Variants in MAP7 observed in about 807,000 individuals in gnomAD.
MAP7 encodes microtubule associated protein 7.
MAP7 carries 52 observed loss-of-function variants against 94.8 expected under a neutral mutation model. That is an observed-to-expected ratio of 0.55 (90% CI 0.44 to 0.69). MAP7 has a LOEUF of 0.69. Ranked by LOEUF, MAP7 falls within the 30% of genes least tolerant of loss-of-function variation. The probability of loss-of-function intolerance (pLI) is 0.00; values close to 1 mark genes in which losing one functional copy is unlikely to be tolerated. For synonymous variants in MAP7, 350 were observed against 357.0 expected, an observed-to-expected ratio of 0.98 and a Z score of 0.22; for missense variants, 940 against 964.6, an observed-to-expected ratio of 0.97 and a Z score of 0.34.
chr6:136,367,422 C>A (rs1354819356), intron 8 of MAP7, among the ~76,000 whole-genome samples: 1 of 152,206 alleles, frequency 6.6e-6, no homozygotes, highest in East Asian at 1.9e-4. Context: ...TGAACTAGTA[C>A]TGTACCTTTT....
At chr6:136,535,362 A>G (rs1439456879) in intron 1 of MAP7, among the ~76,000 whole-genome samples, 1 of 152,176 alleles carries the variant, frequency 6.6e-6, no homozygotes, top group Non-Finnish European at 1.5e-5. Context: ...CCACGCTTGT[A>G]CAGCCTGCAG....
intron 4 of MAP7, 142 bp from the exon 5 acceptor site, chr6:136,388,652 A>T: frequency 3.2e-6 from 2 of 621,456 alleles, no homozygotes; most frequent in Non-Finnish European, 2.8e-6. Context: ...CTATACCATA[A>T]GGTGAGACTA....
At chr6:136,415,636 T>C (rs936188838) in intron 2 of MAP7, among the ~76,000 whole-genome samples, 5 of 152,216 alleles carry the variant, frequency 3.3e-5, no homozygotes, top group South Asian at 2.1e-4. Flanking sequence ...GTTGAAGAAG[T>C]GCTAGTTTTT....
chr6:136,486,311 C>T (rs1350461190), intron 1 of MAP7, among the ~76,000 whole-genome samples: 1 of 152,102 alleles, frequency 6.6e-6, no homozygotes, highest in Non-Finnish European at 1.5e-5. Flanking sequence ...AGGCTCCTTC[C>T]CTGGCAAAAG....
intron 1 of MAP7, among the ~76,000 whole-genome samples, chr6:136,495,167 G>A (rs1817810755): frequency 6.6e-6 from 1 of 152,132 alleles, no homozygotes; most frequent in African/African-American, 2.4e-5. Context: ...GACCCTGAAA[G>A]CTTGAACATG....
intron 1 of MAP7, among the ~76,000 whole-genome samples, chr6:136,488,419 T>C (rs1014313747): frequency 1.3e-5 from 2 of 152,010 alleles, no homozygotes; most frequent in African/African-American, 4.8e-5. Context: ...AAAATATTGA[T>C]TCTTGCTATG....
At chr6:136,493,808 C>T (rs935976915) in intron 1 of MAP7, among the ~76,000 whole-genome samples, 1 of 152,148 alleles carries the variant, frequency 6.6e-6, no homozygotes, top group Non-Finnish European at 1.5e-5. Context: ...GCAGTTTTAT[C>T]TCCCCATAAG....
At position 136,537,895 on chromosome 6, in the gene MAP7, C is replaced by T. The variant is rs138679125; in HGVS notation, c.67+12447G>A. ...TTCCTCTTTTCAAGCGATTCTCCTG[C>T]CTCAGCATCCCGAGTAGCTGGGATT... On this transcript the variant is annotated intron_variant, in intron 1 of 17. Coordinates refer to ENST00000354570, the MANE Select transcript of MAP7 (RefSeq NM_003980.6). 0.012 allele frequency among the ~76,000 whole-genome samples: 1,884 copies of T among 152,150 alleles called. 86 individuals are homozygous for T. The East Asian group carries it at 0.14, about 11-fold the overall frequency.
intron 1 of MAP7, among the ~76,000 whole-genome samples, chr6:136,522,176 C>T (rs1826571427): frequency 6.6e-6 from 1 of 152,176 alleles, no homozygotes; most frequent in East Asian, 1.9e-4. Context: ...AACAGTCTCT[C>T]CTAAGCCAGT....
intron 1 of MAP7, among the ~76,000 whole-genome samples, chr6:136,495,063 T>C (rs537472989): frequency 6.6e-6 from 1 of 152,314 alleles, no homozygotes; most frequent in African/African-American, 2.4e-5. Context: ...GCAGAAGCTC[T>C]ACTTGGCCTC....
chr6:136,382,176 G>A (rs1356269373), intron 6 of MAP7, among the ~76,000 whole-genome samples: 1 of 151,958 alleles, frequency 6.6e-6, no homozygotes, highest in Non-Finnish European at 1.5e-5. Context: ...CGTGCAGAGA[G>A]TCTAGAATAC....
At chr6:136,535,016 T>A (rs1020391929) in intron 1 of MAP7, among the ~76,000 whole-genome samples, 1 of 152,182 alleles carries the variant, frequency 6.6e-6, no homozygotes, top group African/African-American at 2.4e-5. Context: ...AAACTTTATT[T>A]TTTGGTTTAT....
At chr6:136,372,459 C>T in intron 8 of MAP7, 42 bp downstream of exon 8, 2 of 1,611,368 alleles carry the variant, frequency 1.2e-6, no homozygotes, top group Non-Finnish European at 8.5e-7. Flanking sequence ...AGGAACAGCA[C>T]TGGCTCCCAG....
chr6:136,506,504 G>A (rs942057809), intron 1 of MAP7, among the ~76,000 whole-genome samples: 2 of 151,984 alleles, frequency 1.3e-5, no homozygotes, highest in South Asian at 2.1e-4. Flanking sequence ...TAAGCTTTGG[G>A]AAATTTCTGG....
intron 16 of MAP7, among the ~76,000 whole-genome samples, chr6:136,353,190 C>A (rs537128445): frequency 2.0e-5 from 3 of 152,328 alleles, no homozygotes; most frequent in South Asian, 2.1e-4. Flanking sequence ...GTCTGATCAT[C>A]TGTCTGACTG....
intron 1 of MAP7, among the ~76,000 whole-genome samples, chr6:136,480,802 A>C (rs1812612299): frequency 6.6e-6 from 1 of 152,160 alleles, no homozygotes; most frequent in Non-Finnish European, 1.5e-5. Context: ...AGCTTTTCAC[A>C]GGAAAGGAAA....
intron 1 of MAP7, among the ~76,000 whole-genome samples, chr6:136,452,675 C>T (rs1315498432): frequency 6.6e-6 from 1 of 152,034 alleles, no homozygotes; most frequent in African/African-American, 2.4e-5. Context: ...GCCTCAGCCT[C>T]CCGAGTAGCT....
chr6:136,482,524 C>T (rs1813186068), intron 1 of MAP7, among the ~76,000 whole-genome samples: 1 of 151,794 alleles, frequency 6.6e-6, no homozygotes, highest in Admixed American at 6.6e-5. Context: ...TCACTTGAAC[C>T]TGGGAGGCAG....
At chr6:136,495,015 A>T (rs1476665872) in intron 1 of MAP7, among the ~76,000 whole-genome samples, 2 of 152,210 alleles carry the variant, frequency 1.3e-5, no homozygotes, top group Admixed American at 6.5e-5. Flanking sequence ...CTTCTTATAC[A>T]GCAGAACCAA....
Sources: allele counts gnomAD v4.1 joint callset (sites outside exome capture counted in the v4.1 genomes callset), GRCh38; gene constraint gnomAD v4.1.1; transcripts MANE v1.5; gene names NCBI Gene and HGNC (gene_info 2026-07-23, HGNC 2026-07-21).